WDPCP: variants seen among roughly 807,000 people sequenced by gnomAD.
The protein encoded by WDPCP is WD repeat-containing and planar cell polarity effector protein fritz homolog.
In WDPCP, 71 loss-of-function variants were observed where a neutral mutation model predicts 93.1. The observed-to-expected ratio is 0.76, with a 90% confidence interval of 0.63 to 0.93. The LOEUF (loss-of-function observed/expected upper bound fraction) is 0.93, where lower values mean the gene tolerates loss of function less well. Among genes scored for constraint, WDPCP ranks in the 40% least tolerant of loss-of-function variants. WDPCP has a pLI of 0.00. For missense variants in WDPCP, 844 were observed against 887.4 expected (o/e 0.95, Z 0.62); for synonymous variants, 315 against 315.0 (o/e 1.00, Z 0.00).
chr2:63,364,142 C>T (rs535352722), intron 12 of WDPCP, among the ~76,000 whole-genome samples: 1 of 152,260 alleles, frequency 6.6e-6, no homozygotes, highest in Non-Finnish European at 1.5e-5. Context: ...CACCATGATT[C>T]TTTGTTTTTT....
Position 63,198,048 on chromosome 2 carries a change from C to G in WDPCP, c.1916-23216G>C, listed in dbSNP as rs377086864. On this transcript the variant is annotated intron_variant, in intron 14 of 17. Coordinates refer to ENST00000272321, the MANE Select transcript of WDPCP (RefSeq NM_015910.7). The stretch of plus-strand genomic sequence containing the variant: ...ATTTACAGGTTATACCAGAGTTGAC[C>G]TTTGTTTTCTTCTAGTACTTATATG... Among the ~76,000 whole-genome samples, 51 of 152,166 alleles carry G rather than the reference C, an allele frequency of 3.4e-4. 1 individual carries two copies. In the East Asian group the frequency reaches 7.5e-3, roughly 22 times the overall value.
intron 15 of WDPCP, chr2:63,168,807 C>T (rs552417477): frequency 6.6e-6 from 1 of 152,318 alleles, no homozygotes; most frequent in South Asian, 2.1e-4. Flanking sequence ...TGGTGAATAA[C>T]CATTGCACTC....
At chr2:63,422,724 G>A (rs751507548) in intron 9 of WDPCP, among the ~76,000 whole-genome samples, 8 of 152,104 alleles carry the variant, frequency 5.3e-5, no homozygotes, top group Non-Finnish European at 1.0e-4. Context: ...GCCTCCTGAC[G>A]AAAGACACAC....
At chr2:63,823,676 TC>T (rs1671064526) in intron 1 of WDPCP, among the ~76,000 whole-genome samples, 1 of 151,946 alleles carries the variant, frequency 6.6e-6, no homozygotes, top group Admixed American at 6.6e-5. Context: ...CATCACACTC[TC>T]CCCCTAAATA....
At chr2:63,706,082 G>A (rs970079457) in intron 2 of WDPCP, among the ~76,000 whole-genome samples, 29 of 152,148 alleles carry the variant, frequency 1.9e-4, no homozygotes, top group African/African-American at 7.0e-4. Context: ...GATCTTTGTT[G>A]GTTTAAAGTC....
At chr2:63,716,819 T>G (rs1356673907) in intron 2 of WDPCP, among the ~76,000 whole-genome samples, 2 of 152,232 alleles carry the variant, frequency 1.3e-5, no homozygotes, top group Non-Finnish European at 2.9e-5. Context: ...TATATTTTAC[T>G]AATTAAAGGC....
chr2:63,655,415 C>T lies in WDPCP; in HGVS notation n.309-4577G>A, dbSNP rs1251982234. 5.3e-5 allele frequency among the ~76,000 whole-genome samples: 8 copies of T among 150,592 alleles called. No homozygotes were observed. The East Asian group carries it at 5.8e-4, about 11-fold the overall frequency. On this transcript the variant is annotated intron_variant and non_coding_transcript_variant, in intron 2 of 4. Coordinates refer to the WDPCP transcript ENST00000467687. Reference sequence around the variant, plus strand: ...CATGCTACATATGTGTATATATATACACACGTATATATATATATATTTAAA... The same window carrying T: ...CATGCTACATATGTGTATATATATATACACGTATATATATATATATTTAAA...
At chr2:63,239,860 C>T (rs1284558601) in intron 14 of WDPCP, among the ~76,000 whole-genome samples, 1 of 151,962 alleles carries the variant, frequency 6.6e-6, no homozygotes, top group African/African-American at 2.4e-5. Context: ...AAGCAATTTC[C>T]CCTCTAAGGA....
chr2:63,285,303 G>T (rs948259926), intron 13 of WDPCP, among the ~76,000 whole-genome samples: 1 of 151,990 alleles, frequency 6.6e-6, no homozygotes, highest in African/African-American at 2.4e-5. Context: ...GTGTGGTGGC[G>T]GGTGGCTGTA....
intron 13 of WDPCP, among the ~76,000 whole-genome samples, chr2:63,307,866 T>C (rs1269242718): frequency 1.3e-5 from 2 of 152,106 alleles, no homozygotes; most frequent in African/African-American, 2.4e-5. Context: ...AAAGCCGAAA[T>C]TGACAAACGG....
At chr2:63,415,405 A>C (rs1695345004) in intron 9 of WDPCP, among the ~76,000 whole-genome samples, 1 of 152,160 alleles carries the variant, frequency 6.6e-6, no homozygotes, top group African/African-American at 2.4e-5. Flanking sequence ...AGTTTCCGTA[A>C]AGAGTAACCT....
At chr2:63,574,656 G>A (rs1245696503) in intron 1 of WDPCP, among the ~76,000 whole-genome samples, 2 of 151,992 alleles carry the variant, frequency 1.3e-5, no homozygotes, top group Admixed American at 6.6e-5. Flanking sequence ...CTAAAATCAA[G>A]CTAATATGAA....
intron 2 of WDPCP, among the ~76,000 whole-genome samples, chr2:63,669,874 A>T (rs772494576): frequency 2.6e-5 from 4 of 152,130 alleles, no homozygotes; most frequent in Admixed American, 2.0e-4. Context: ...AGGACAGTAC[A>T]TGGAGCTCCT....
At chr2:63,206,384 C>T (rs1676336741) in intron 14 of WDPCP, among the ~76,000 whole-genome samples, 1 of 152,168 alleles carries the variant, frequency 6.6e-6, no homozygotes, top group African/African-American at 2.4e-5. Context: ...CTTTTTCTCT[C>T]CCAGTGTCAG....
intron 14 of WDPCP, among the ~76,000 whole-genome samples, chr2:63,239,352 A>G (rs993789587): frequency 2.0e-5 from 3 of 152,164 alleles, no homozygotes; most frequent in Admixed American, 1.3e-4. Flanking sequence ...AAACTAAGTG[A>G]CTATAAAAAC....
intron 12 of WDPCP, among the ~76,000 whole-genome samples, chr2:63,376,880 G>A (rs967736308): frequency 2.0e-5 from 3 of 151,744 alleles, no homozygotes; most frequent in African/African-American, 7.3e-5. Context: ...TCACTGCTTG[G>A]TAGACTTCAA....
At chr2:63,294,884 G>GTAAC (rs1200315732) in intron 13 of WDPCP, among the ~76,000 whole-genome samples, 1 of 152,076 alleles carries the variant, frequency 6.6e-6, no homozygotes, top group Non-Finnish European at 1.5e-5. Flanking sequence ...TAGCATTATT[G>GTAAC]TAACTTTGGT....
At chr2:63,817,656 G>T (rs777501628) in intron 1 of WDPCP, among the ~76,000 whole-genome samples, 4 of 152,022 alleles carry the variant, frequency 2.6e-5, no homozygotes, top group African/African-American at 9.7e-5. Context: ...CTGTGACAGA[G>T]ACCAGACAGT....
At chr2:63,133,221 C>T (rs1403895354) in intron 17 of WDPCP, among the ~76,000 whole-genome samples, 1 of 152,134 alleles carries the variant, frequency 6.6e-6, no homozygotes, top group East Asian at 1.9e-4. Context: ...GATGGTCTGT[C>T]ATATGTCTCC....
Sources: gnomAD v4.1 joint callset for allele counts (sites outside exome capture counted in the v4.1 genomes callset) on GRCh38, gnomAD v4.1.1 for gene constraint, MANE v1.5 for transcripts, NCBI Gene and HGNC (gene_info 2026-07-23, HGNC 2026-07-21) for gene names.